Variants in ROR1 observed in about 807,000 individuals in gnomAD.
ROR1 encodes inactive tyrosine-protein kinase transmembrane receptor ROR1.
A neutral mutation model predicts 78.8 loss-of-function variants in ROR1; 19 were observed. That is an observed-to-expected ratio of 0.24 (90% CI 0.17 to 0.35). The LOEUF (loss-of-function observed/expected upper bound fraction) is 0.35, where lower values mean the gene tolerates loss of function less well. Ranked by LOEUF, ROR1 falls within the 10% of genes least tolerant of loss-of-function variation. The pLI, the probability that ROR1 is intolerant of heterozygous loss-of-function variation, is 1.00. For synonymous variants in ROR1, 386 were observed against 433.6 expected, an observed-to-expected ratio of 0.89 and a Z score of 1.36; for missense variants, 917 against 1,177.8, an observed-to-expected ratio of 0.78 and a Z score of 3.24.
intron 2 of ROR1, among the ~76,000 whole-genome samples, chr1:64,033,718 C>T (rs1005076320): frequency 6.6e-6 from 1 of 152,152 alleles, no homozygotes; most frequent in Non-Finnish European, 1.5e-5. Context: ...ACCTTAAGAA[C>T]ACTAACTCAT....
At chr1:63,829,574 T>C (rs143715601) in intron 1 of ROR1, among the ~76,000 whole-genome samples, 1 of 152,184 alleles carries the variant, frequency 6.6e-6, no homozygotes, top group East Asian at 1.9e-4. Flanking sequence ...ATGGAGAGTA[T>C]TGCAGGTAGG....
At chr1:63,857,555 C>T (rs911431526) in intron 1 of ROR1, among the ~76,000 whole-genome samples, 1 of 152,142 alleles carries the variant, frequency 6.6e-6, no homozygotes, top group Non-Finnish European at 1.5e-5. Context: ...GCAAATAGCT[C>T]TATGGATTTG....
At chr1:63,788,463 ACTGT>A (rs1166677762) in intron 1 of ROR1, among the ~76,000 whole-genome samples, 1 of 152,132 alleles carries the variant, frequency 6.6e-6, no homozygotes, top group African/African-American at 2.4e-5. Flanking sequence ...AAACGTGTTG[ACTGT>A]CTGTTAAATT....
intron 1 of ROR1, among the ~76,000 whole-genome samples, chr1:63,924,266 C>T (rs1441010055): frequency 6.6e-6 from 1 of 152,126 alleles, no homozygotes; most frequent in Non-Finnish European, 1.5e-5. Flanking sequence ...TTTATCTCCA[C>T]CCACTAGAAG....
At chr1:63,833,150 A>C (rs1258155067) in intron 1 of ROR1, among the ~76,000 whole-genome samples, 1 of 152,210 alleles carries the variant, frequency 6.6e-6, no homozygotes, top group Non-Finnish European at 1.5e-5. Flanking sequence ...TCTGTCTAAC[A>C]CAATTCCTGG....
intron 1 of ROR1, among the ~76,000 whole-genome samples, chr1:63,967,967 T>C (rs1646088921): frequency 6.6e-6 from 1 of 152,230 alleles, no homozygotes; most frequent in Non-Finnish European, 1.5e-5. Flanking sequence ...GGGAAGTTCT[T>C]CTTACAATAG....
chr1:63,787,893 A>C (rs1047852258), intron 1 of ROR1, among the ~76,000 whole-genome samples: 15 of 152,210 alleles, frequency 9.9e-5, no homozygotes, highest in African/African-American at 3.6e-4. Flanking sequence ...CATCAGTTTC[A>C]AAAGGAACTA....
At chr1:64,119,982 G>A (rs1035263738) in intron 4 of ROR1, among the ~76,000 whole-genome samples, 1 of 152,120 alleles carries the variant, frequency 6.6e-6, no homozygotes, top group Non-Finnish European at 1.5e-5. Flanking sequence ...AAGAAAAGGT[G>A]AACTTTCAAT....
At chr1:64,109,687 C>T (rs938109881) in intron 4 of ROR1, among the ~76,000 whole-genome samples, 1 of 152,082 alleles carries the variant, frequency 6.6e-6, no homozygotes, top group African/African-American at 2.4e-5. Flanking sequence ...ACCAGCATGC[C>T]CAGCTAATTT....
At chr1:63,856,318 ATAAC>A (rs571026523) in intron 1 of ROR1, among the ~76,000 whole-genome samples, 9 of 152,332 alleles carry the variant, frequency 5.9e-5, no homozygotes, top group African/African-American at 1.9e-4. Flanking sequence ...TACTTAGTCT[ATAAC>A]TAATTATTCT....
At chr1:63,804,985 A>T (rs1644819969) in intron 1 of ROR1, among the ~76,000 whole-genome samples, 1 of 152,220 alleles carries the variant, frequency 6.6e-6, no homozygotes, top group Non-Finnish European at 1.5e-5. Context: ...GGCTTTCAGC[A>T]GTTGCCTCTC....
intron 7 of ROR1, chr1:64,143,372 A>AG (rs1430823258): frequency 4.1e-5 from 40 of 980,726 alleles, no homozygotes; most frequent in Non-Finnish European, 4.5e-5. Context: ...AAAAAGAAAA[A>AG]AAAAAAAAGA....
In ROR1 at chr1:63,937,546, G is replaced by A. The variant is rs368904998; in HGVS notation, c.92-71759G>A. On this transcript the variant is annotated intron_variant, in intron 1 of 8. Transcript: ENST00000371079. ...TGGCTGAATCATTTATACATGTGTGGTGACCACATCTCATCTTCTAGTGCA... is the reference window on the plus strand; with the variant it reads ...TGGCTGAATCATTTATACATGTGTGATGACCACATCTCATCTTCTAGTGCA... Among the ~76,000 whole-genome samples, 7 of 151,884 alleles carry A rather than the reference G, an allele frequency of 4.6e-5. No homozygotes were observed. In the East Asian group the frequency reaches 5.8e-4, roughly 13 times the overall value.
At chr1:63,931,397 A>T (rs1299349438) in intron 1 of ROR1, among the ~76,000 whole-genome samples, 1 of 152,186 alleles carries the variant, frequency 6.6e-6, no homozygotes, top group African/African-American at 2.4e-5. Flanking sequence ...AATGGGTTCG[A>T]ATCCCAGCTT....
At chr1:63,858,142 C>G (rs1028905354) in intron 1 of ROR1, among the ~76,000 whole-genome samples, 1 of 152,188 alleles carries the variant, frequency 6.6e-6, no homozygotes, top group Non-Finnish European at 1.5e-5. Context: ...GTATCTGTAT[C>G]TTTCACTTAT....
In ROR1 at chr1:64,179,444, T is replaced by C. The variant is rs1306056546; in HGVS notation, c.*589T>C. 1 of 152,872 alleles carries C rather than the reference T, an allele frequency of 6.5e-6. No homozygotes were observed. The highest frequency in any genetic ancestry group is 2.4e-5 in the African/African-American group (1 of 41,456). 9.5% of individuals were successfully genotyped at this position (152,872 alleles called of 1,614,324 possible). On this transcript the variant is annotated 3_prime_UTR_variant, in exon 9 of 9. Transcript: ENST00000371079. ...AAGTATAACAAGCCCTGAAGCCTTT[T>C]ATGTCGTTGTGCTTCTTTGGGAAGG...
intron 1 of ROR1, among the ~76,000 whole-genome samples, chr1:63,987,638 G>A (rs1646262978): frequency 6.6e-6 from 1 of 152,082 alleles, no homozygotes; most frequent in African/African-American, 2.4e-5. Flanking sequence ...AAAACCTGAG[G>A]GTATTGTTCT....
intron 2 of ROR1, among the ~76,000 whole-genome samples, chr1:64,043,362 A>G (rs1224337093): frequency 6.6e-6 from 1 of 152,226 alleles, no homozygotes; most frequent in East Asian, 1.9e-4. Flanking sequence ...GAAGTTCACA[A>G]TAACACATGA....
intron 8 of ROR1, among the ~76,000 whole-genome samples, chr1:64,167,041 G>C (rs901429386): frequency 3.9e-5 from 6 of 152,176 alleles, no homozygotes; most frequent in African/African-American, 1.4e-4. Flanking sequence ...TGAGAAAACT[G>C]AGGCTTCAGA....
Sources: gnomAD v4.1 joint callset for allele counts (sites outside exome capture counted in the v4.1 genomes callset) on GRCh38, gnomAD v4.1.1 for gene constraint, MANE v1.5 for transcripts, NCBI Gene and HGNC (gene_info 2026-07-23, HGNC 2026-07-21) for gene names.